The following TMEM132C variants were observed in gnomAD, a reference collection of about 807,000 sequenced individuals.
TMEM132C encodes transmembrane protein 132C.
Under a neutral mutation model 61.4 loss-of-function variants are expected in TMEM132C, and 29 were observed. The observed-to-expected ratio is 0.47, with a 90% CI of 0.35 to 0.64. The LOEUF (loss-of-function observed/expected upper bound fraction) is 0.64. TMEM132C is among the 30% of genes least tolerant of loss of function. The pLI, the probability that TMEM132C is intolerant of heterozygous loss-of-function variation, is 0.00. For synonymous variants in TMEM132C, 656 were observed against 633.1 expected, an observed-to-expected ratio of 1.04 and a Z score of -0.54; for missense variants, 1,408 against 1,476.9, an observed-to-expected ratio of 0.95 and a Z score of 0.76.
chr12:128,544,191 G>A lies in TMEM132C; in HGVS notation c.1121+88G>A, dbSNP rs983268784. 1.8e-5 allele frequency: 25 copies of A among 1,424,212 alleles called. 1 individual carries two copies. Among genetic ancestry groups the A allele is most frequent in the Admixed American group, 1.2e-4 (4 of 32,934 alleles). The allele number at this position is 1,424,212 out of a possible 1,614,324, so 88.2% of individuals were successfully genotyped here. A position where few individuals can be genotyped will look rare whatever the true frequency, so the allele number is the denominator to read the frequency against. On this transcript the variant is annotated intron_variant, in intron 3 of 8. Transcript: ENST00000435159. Reference sequence around the variant, plus strand: ...CGTAAGAGCCTTGACTTGGACTCGCGTGAGCGGCTGCTCAGAGGAGCTATT... The same window carrying A: ...CGTAAGAGCCTTGACTTGGACTCGCATGAGCGGCTGCTCAGAGGAGCTATT...
At chr12:128,542,755 G>A (rs1406044513) in intron 2 of TMEM132C, among the ~76,000 whole-genome samples, 1 of 151,488 alleles carries the variant, frequency 6.6e-6, no homozygotes, top group East Asian at 2.0e-4. Context: ...CAGCTACTCG[G>A]CAGGCTGAGG....
intron 2 of TMEM132C, among the ~76,000 whole-genome samples, chr12:128,444,632 G>C (rs1208447598): frequency 1.3e-5 from 2 of 152,162 alleles, no homozygotes; most frequent in African/African-American, 4.8e-5. Context: ...TTCAAGTCGG[G>C]CCACATTCAG....
At chr12:128,348,600 C>G (rs1471425808) in intron 1 of TMEM132C, among the ~76,000 whole-genome samples, 1 of 152,192 alleles carries the variant, frequency 6.6e-6, no homozygotes. Context: ...ACTGGCATTT[C>G]AGGCCCTTTC....
chr12:128,672,354 A>G (rs992797545), intron 5 of TMEM132C, among the ~76,000 whole-genome samples: 1 of 152,146 alleles, frequency 6.6e-6, no homozygotes, highest in African/African-American at 2.4e-5. Context: ...AGACACCTCC[A>G]GTACTGATAA....
chr12:128,393,643 G>T (rs1260561688), intron 1 of TMEM132C, among the ~76,000 whole-genome samples: 1 of 152,198 alleles, frequency 6.6e-6, no homozygotes, highest in Non-Finnish European at 1.5e-5. Flanking sequence ...GGAGTTTTGT[G>T]TTTGGCAGCC....
intron 4 of TMEM132C, among the ~76,000 whole-genome samples, chr12:128,633,343 T>G (rs1954077540): frequency 6.6e-6 from 1 of 152,208 alleles, no homozygotes; most frequent in African/African-American, 2.4e-5. Context: ...GTGTGATTAC[T>G]GAGGACAGGG....
chr12:128,692,817 G>A (rs1212837133), intron 5 of TMEM132C, among the ~76,000 whole-genome samples: 2 of 152,154 alleles, frequency 1.3e-5, no homozygotes, highest in Non-Finnish European at 2.9e-5. Flanking sequence ...AATAATCTGG[G>A]AACACAAAAG....
At chr12:128,413,311 A>AAAC (rs1337668432) in intron 1 of TMEM132C, among the ~76,000 whole-genome samples, 1 of 150,642 alleles carries the variant, frequency 6.6e-6, no homozygotes, top group Non-Finnish European at 1.5e-5. Flanking sequence ...AAAAAAAAAA[A>AAAC]AAAAAAAAAA....
Position 128,325,911 on chromosome 12 carries a change from C to G in TMEM132C, c.85+58424C>G, listed in dbSNP as rs148394407. On this transcript the variant is annotated intron_variant, in intron 1 of 8. Transcript: ENST00000435159. ...GCAGTTTCCTTGAGTGCAGGTTCTG[C>G]GGTGGTAGCTTCTTGCTCCTCGGTC... Among the ~76,000 whole-genome samples the G allele has an allele frequency of 3.7e-3, 570 of 152,104 alleles. 4 individuals are homozygous for G. The highest frequency in any genetic ancestry group is 0.012 in the African/African-American group (517 of 41,484).
intron 2 of TMEM132C, among the ~76,000 whole-genome samples, chr12:128,509,977 C>T (rs10734960): frequency 0.97 from 147,561 of 152,240 alleles, 71,672 homozygotes; most frequent in East Asian, 1. Flanking sequence ...TACCTTGGTC[C>T]TTACTGAGTA....
intron 4 of TMEM132C, among the ~76,000 whole-genome samples, chr12:128,645,109 C>T (rs926893256): frequency 1.3e-5 from 2 of 152,152 alleles, no homozygotes; most frequent in African/African-American, 4.8e-5. Context: ...AGAGGCGACC[C>T]TGAGGGGGGA....
chr12:128,282,909 T>C (rs889467810), intron 1 of TMEM132C, among the ~76,000 whole-genome samples: 1 of 152,326 alleles, frequency 6.6e-6, no homozygotes, highest in African/African-American at 2.4e-5. Flanking sequence ...CTTTGTACTT[T>C]ATCGGGTTGC....
intron 2 of TMEM132C, among the ~76,000 whole-genome samples, chr12:128,467,144 G>T (rs149784613): frequency 6.6e-6 from 1 of 152,182 alleles, no homozygotes; most frequent in African/African-American, 2.4e-5. Context: ...CATCAGACAT[G>T]TTGCTAATTT....
chr12:128,405,308 T>G (rs1875302856), intron 1 of TMEM132C, among the ~76,000 whole-genome samples: 1 of 152,014 alleles, frequency 6.6e-6, no homozygotes, highest in African/African-American at 2.4e-5. Context: ...CTTCCCAAGA[T>G]GAGAGGTAAG....
At chr12:128,434,850 G>T (rs2136041532) in intron 2 of TMEM132C, among the ~76,000 whole-genome samples, 1 of 151,430 alleles carries the variant, frequency 6.6e-6, no homozygotes, top group Non-Finnish European at 1.5e-5. Flanking sequence ...TCAAACTCCT[G>T]AGCTCAGGCA....
At chr12:128,279,441 C>T (rs938139439) in intron 1 of TMEM132C, among the ~76,000 whole-genome samples, 6 of 152,168 alleles carry the variant, frequency 3.9e-5, no homozygotes, top group African/African-American at 9.7e-5. Context: ...TGTCCTCTGC[C>T]CCAAATTCTC....
At chr12:128,604,701 A>G (rs1341446091) in intron 3 of TMEM132C, among the ~76,000 whole-genome samples, 2 of 151,948 alleles carry the variant, frequency 1.3e-5, no homozygotes, top group Admixed American at 1.3e-4. Flanking sequence ...TAGATAATAG[A>G]TGGCTAGATA....
At chr12:128,690,715 C>A (rs1180958421) in intron 5 of TMEM132C, among the ~76,000 whole-genome samples, 1 of 152,168 alleles carries the variant, frequency 6.6e-6, no homozygotes, top group Non-Finnish European at 1.5e-5. Flanking sequence ...TGCCTTCCTT[C>A]TTTAATCAGC....
intron 3 of TMEM132C, among the ~76,000 whole-genome samples, chr12:128,571,860 C>G (rs1300545053): frequency 6.6e-6 from 1 of 152,184 alleles, no homozygotes; most frequent in Non-Finnish European, 1.5e-5. Context: ...ATTTTCCTTT[C>G]CCCCGTACCA....
Sources: allele counts gnomAD v4.1 joint callset (sites outside exome capture counted in the v4.1 genomes callset), GRCh38; gene constraint gnomAD v4.1.1; transcripts MANE v1.5; gene names NCBI Gene and HGNC (gene_info 2026-07-23, HGNC 2026-07-21).